The following TRIO variants were observed in gnomAD, a reference collection of about 807,000 sequenced individuals.
The protein encoded by TRIO is triple functional domain protein.
TRIO carries 58 observed loss-of-function variants against 351.9 expected under a neutral mutation model. The observed-to-expected ratio is 0.16, with a 90% CI of 0.13 to 0.21. The LOEUF (loss-of-function observed/expected upper bound fraction) is 0.21. TRIO is among the 10% of genes least tolerant of loss of function. TRIO has a pLI of 1.00. For synonymous variants in TRIO, 1,758 were observed against 1,595.7 expected (o/e 1.10, Z -2.42); for missense variants, 3,201 against 4,027.8 (o/e 0.79, Z 5.56).
chr5:14,392,205 TCCAGAATCTAC>T (rs1747141292), intron 27 of TRIO, among the ~76,000 whole-genome samples: 2 of 150,990 alleles, frequency 1.3e-5, no homozygotes, highest in South Asian at 4.2e-4. Flanking sequence ...AGGGCTAACA[TCCAGAATCTAC>T]AATGAACTTA....
intron 1 of TRIO, among the ~76,000 whole-genome samples, chr5:14,230,517 G>A (rs1350463758): frequency 6.6e-6 from 1 of 152,084 alleles, no homozygotes; most frequent in Non-Finnish European, 1.5e-5. Context: ...TACATGTGGG[G>A]ATCATACTTT....
chr5:14,427,406 G>A (rs1330491829), intron 34 of TRIO, among the ~76,000 whole-genome samples: 1 of 152,154 alleles, frequency 6.6e-6, no homozygotes, highest in Non-Finnish European at 1.5e-5. Flanking sequence ...AGGTTGCCAG[G>A]TGTGTCCACT....
chr5:14,486,078 C>CAA (rs1755896456), intron 47 of TRIO, among the ~76,000 whole-genome samples: 1 of 152,138 alleles, frequency 6.6e-6, no homozygotes, highest in Non-Finnish European at 1.5e-5. Flanking sequence ...GGCGTGGCCA[C>CAA]ACTACCCTTC....
intron 39 of TRIO, among the ~76,000 whole-genome samples, chr5:14,473,549 A>G (rs1250439858): frequency 1.3e-5 from 2 of 152,248 alleles, no homozygotes; most frequent in Non-Finnish European, 2.9e-5. Flanking sequence ...TGTTGTTTAA[A>G]AATCAGTTTA....
chr5:14,172,174 CAGTT>C lies in TRIO; in HGVS notation c.157+28295_157+28298del, dbSNP rs149388053. 5.6e-3 allele frequency among the ~76,000 whole-genome samples: 859 copies of C among 152,268 alleles called. 4 individuals are homozygous for C. Among genetic ancestry groups the C allele is most frequent in the African/African-American group, 0.02 (814 of 41,532 alleles). Reference sequence around the variant, plus strand: ...AGTTACTTTTGCTTGAAGTCAGTGTCAGTTAGGTTTTAGAAAGATTGTGCATATT... The same window carrying C: ...AGTTACTTTTGCTTGAAGTCAGTGTCAGGTTTTAGAAAGATTGTGCATATT... On this transcript the variant is annotated intron_variant, in intron 1 of 56. Transcript: ENST00000344204.
At chr5:14,275,056 C>T (rs74745926) in intron 2 of TRIO, among the ~76,000 whole-genome samples, 8,330 of 152,154 alleles carry the variant, frequency 0.055, 300 homozygotes, top group Middle Eastern at 0.13. Context: ...AACACACACA[C>T]GCATTTTAAT....
At chr5:14,487,084 G>T (rs1175942193) in intron 47 of TRIO, among the ~76,000 whole-genome samples, 3 of 152,142 alleles carry the variant, frequency 2.0e-5, no homozygotes, top group Non-Finnish European at 4.4e-5. Context: ...AGCAGAGGTG[G>T]TCTATGAAAC....
In TRIO at chr5:14,398,977, G is replaced by A. The variant is rs1204497264; in HGVS notation, c.4521G>A (p.Arg1507=). The part of the protein sequence containing the change: ...PKTLIRKGRE[R]HLFLFEMSLV... The stretch of plus-strand genomic sequence containing the variant: ...CCTTAATTCGAAAGGGTCGAGAACG[G>A]CATCTCTTCCTTTTTGAAATGTCCT... Residue 1507 remains arginine (R), a synonymous_variant, in exon 30 of 57, where the codon CGG becomes CGA. Coordinates refer to ENST00000344204, the MANE Select transcript of TRIO (RefSeq NM_007118.4). 2 of 1,614,068 alleles carry A rather than the reference G, an allele frequency of 1.2e-6. No individual in the cohort carries two copies. Among genetic ancestry groups the A allele is most frequent in the Middle Eastern group, 1.6e-4 (1 of 6,062 alleles).
chr5:14,170,976 G>GTA (rs1466080692), intron 1 of TRIO, among the ~76,000 whole-genome samples: 1 of 152,124 alleles, frequency 6.6e-6, no homozygotes, highest in Non-Finnish European at 1.5e-5. Flanking sequence ...TATTAACAAT[G>GTA]TATAAGTAAT....
At chr5:14,173,294 T>G (rs1020604265) in intron 1 of TRIO, among the ~76,000 whole-genome samples, 2 of 144,452 alleles carry the variant, frequency 1.4e-5, no homozygotes, top group African/African-American at 5.2e-5. Flanking sequence ...AATTACAACC[T>G]TCACCTCCCA....
At position 14,286,381 on chromosome 5, in the gene TRIO, G is replaced by T. The variant is rs1262811011; in HGVS notation, c.348-490G>T. Among the ~76,000 whole-genome samples, 2 of 152,214 alleles carry T rather than the reference G, an allele frequency of 1.3e-5. No homozygotes were observed. The highest frequency in any genetic ancestry group is 4.2e-4 in the South Asian group (2 of 4,808). ...CTCATCATTGCCAGCCATGCTAGTG[G>T]GGGGTCATTTTCAGCACCTGGGGTG... On this transcript the variant is annotated intron_variant, in intron 3 of 56. Transcript: ENST00000344204. This position sits in a 1 kb window ranked among gnomAD's most constrained non-coding sequence, Gnocchi z 4.4.
intron 1 of TRIO, among the ~76,000 whole-genome samples, chr5:14,149,986 G>A (rs1248458857): frequency 1.3e-5 from 2 of 152,202 alleles, no homozygotes; most frequent in Admixed American, 6.5e-5. Context: ...TCTTGGGGAG[G>A]GATTTCAGTG....
At chr5:14,422,205 A>G (rs1396201189) in intron 34 of TRIO, among the ~76,000 whole-genome samples, 2 of 152,214 alleles carry the variant, frequency 1.3e-5, no homozygotes, top group East Asian at 3.9e-4. Flanking sequence ...CCAGTATCAG[A>G]TGTTCAGGCT....
At chr5:14,221,032 TA>T (rs1792585610) in intron 1 of TRIO, among the ~76,000 whole-genome samples, 1 of 152,214 alleles carries the variant, frequency 6.6e-6, no homozygotes. Context: ...TGTTGGGGGC[TA>T]ATGCAGCTGG....
chr5:14,148,340 G>A (rs1424049991), intron 1 of TRIO, among the ~76,000 whole-genome samples: 1 of 152,208 alleles, frequency 6.6e-6, no homozygotes, highest in Non-Finnish European at 1.5e-5. Context: ...GGTGAAAGAT[G>A]TGTTTGAAGC....
At chr5:14,235,911 C>A (rs1032444118) in intron 1 of TRIO, among the ~76,000 whole-genome samples, 1 of 152,120 alleles carries the variant, frequency 6.6e-6, no homozygotes, top group South Asian at 2.1e-4. Context: ...AATCTCCTTC[C>A]ATTTTGGCCT....
Position 14,508,685 on chromosome 5 carries a change from TA to T in TRIO, c.*268del, listed in dbSNP as rs1227678501. On this transcript the variant is annotated 3_prime_UTR_variant, in exon 57 of 57. Coordinates refer to ENST00000344204, the MANE Select transcript of TRIO (RefSeq NM_007118.4). Reference sequence around the variant, plus strand: ...TTTTATTCAGGTTTCTGCAAAAAAATAAAAAGATAACTTTTTTAAACAAACA... The same window carrying T: ...TTTTATTCAGGTTTCTGCAAAAAAATAAAAGATAACTTTTTTAAACAAACA... The T allele has an allele frequency of 2.6e-6, 1 of 384,216 alleles. No homozygotes were observed. Among genetic ancestry groups the T allele is most frequent in the Non-Finnish European group, 4.6e-6 (1 of 216,770 alleles). 23.8% of individuals were successfully genotyped at this position (384,216 alleles called of 1,614,324 possible).
At chr5:14,263,040 GCT>G in intron 1 of TRIO, among the ~76,000 whole-genome samples, 1 of 152,246 alleles carries the variant, frequency 6.6e-6, no homozygotes, top group Admixed American at 6.5e-5. Flanking sequence ...TGGCTGGAGT[GCT>G]CTCTGTTTTC....
chr5:14,311,553 G>A (rs1738935024), intron 8 of TRIO, among the ~76,000 whole-genome samples: 1 of 152,214 alleles, frequency 6.6e-6, no homozygotes, highest in African/African-American at 2.4e-5. Flanking sequence ...AGACAGATTG[G>A]AACCTCCTTA....
Sources: gnomAD v4.1 joint callset for allele counts (sites outside exome capture counted in the v4.1 genomes callset) on GRCh38, gnomAD v4.1.1 for gene constraint, Gnocchi (gnomAD v3.1) non-coding constraint, MANE v1.5 for transcripts, NCBI Gene and HGNC (gene_info 2026-07-23, HGNC 2026-07-21) for gene names.